The following STK10 variants were observed in gnomAD, a reference collection of about 807,000 sequenced individuals.
The protein encoded by STK10 is serine/threonine-protein kinase 10.
A neutral mutation model predicts 113.8 loss-of-function variants in STK10; 78 were observed. The observed-to-expected ratio is 0.69, with a 90% CI of 0.57 to 0.83. The LOEUF is 0.83. Among genes scored for constraint, STK10 ranks in the 40% least tolerant of loss-of-function variants. STK10 has a pLI of 0.00. For synonymous variants in STK10, 465 were observed against 494.7 expected (o/e 0.94, Z 0.80); for missense variants, 1,109 against 1,280.1 (o/e 0.87, Z 2.04).
chr5:172,182,168 C>G (rs1022411493), intron 1 of STK10, among the ~76,000 whole-genome samples: 10 of 151,346 alleles, frequency 6.6e-5, no homozygotes, highest in Non-Finnish European at 1.3e-4. Context: ...CCGGGTGTGG[C>G]GGTGCGCACC....
chr5:172,106,419 G>GAAAAAAAAAAAAAAAAAAAAAAAA lies in STK10; in HGVS notation c.788+200_788+201insTTTTTTTTTTTTTTTTTTTTTTTT, dbSNP rs1769110876. On this transcript the variant is annotated intron_variant, in intron 6 of 18. Transcript: ENST00000176763. The stretch of plus-strand genomic sequence containing the variant: ...CCTATCTCAAAAAAAAAAAAAAAAA[G>GAAAAAAAAAAAAAAAAAAAAAAAA]GAACACAAAGGGAAAAAGAGGCACG... 2.0e-5 allele frequency among the ~76,000 whole-genome samples: 2 copies of GAAAAAAAAAAAAAAAAAAAAAAAA among 102,106 alleles called. 1 individual carries two copies. Among genetic ancestry groups the GAAAAAAAAAAAAAAAAAAAAAAAA allele is most frequent in the Non-Finnish European group, 3.9e-5 (2 of 51,852 alleles). The allele number at this position is 102,106 out of a possible 152,430, so 67.0% of individuals were successfully genotyped here.
chr5:172,138,741 G>A (rs1339682223), intron 2 of STK10, among the ~76,000 whole-genome samples: 5 of 152,196 alleles, frequency 3.3e-5, no homozygotes, highest in South Asian at 4.1e-4. Flanking sequence ...GGCCAGGCGC[G>A]GTGGCTCACA....
intron 4 of STK10, among the ~76,000 whole-genome samples, chr5:172,115,381 T>C (rs747770031): frequency 1.1e-4 from 16 of 152,098 alleles, no homozygotes; most frequent in Non-Finnish European, 2.2e-4. Flanking sequence ...TATCCTGAGC[T>C]TGGTGGAGAG....
chr5:172,052,734 C>T (rs1356457492), intron 18 of STK10, among the ~76,000 whole-genome samples, 195 bp downstream of exon 18: 2 of 152,204 alleles, frequency 1.3e-5, no homozygotes, highest in East Asian at 3.9e-4. Flanking sequence ...GCTGCCCTTC[C>T]AGAGGTGGAA....
chr5:172,139,067 C>G (rs1041133550), intron 2 of STK10, among the ~76,000 whole-genome samples: 42 of 152,064 alleles, frequency 2.8e-4, no homozygotes, highest in African/African-American at 9.4e-4. Flanking sequence ...GGAAGACATC[C>G]CAGCTTTATG....
At chr5:172,087,107 A>AGTGTGTGTGT (rs201052929) in intron 10 of STK10, among the ~76,000 whole-genome samples, 4,495 of 128,898 alleles carry the variant, frequency 0.035, 118 homozygotes, top group Non-Finnish European at 0.039. Context: ...AGATGACACC[A>AGTGTGTGTGT]GTGTGTGTGT....
chr5:172,150,640 T>C (rs953835459), intron 2 of STK10, among the ~76,000 whole-genome samples: 1 of 152,098 alleles, frequency 6.6e-6, no homozygotes, highest in African/African-American at 2.4e-5. Context: ...AGGTCAGATA[T>C]GCAATCTCTG....
intron 12 of STK10, among the ~76,000 whole-genome samples, chr5:172,081,404 A>T (rs1768426260): frequency 6.6e-6 from 1 of 152,112 alleles, no homozygotes; most frequent in Admixed American, 6.6e-5. Context: ...TTGTGCTCTA[A>T]AAATGAAGCC....
chr5:172,145,967 G>A (rs575109775), intron 2 of STK10, among the ~76,000 whole-genome samples: 10 of 152,338 alleles, frequency 6.6e-5, no homozygotes, highest in African/African-American at 1.4e-4. Flanking sequence ...AACAACAGGT[G>A]TCCTGGGCAA....
At chr5:172,107,694 G>T in intron 5 of STK10, 86 bp downstream of exon 5, 1 of 1,376,370 alleles carries the variant, frequency 7.3e-7, no homozygotes, top group Non-Finnish European at 1.0e-6. Context: ...TTGTCTTCCG[G>T]CCCCTCTCTG....
intron 12 of STK10, among the ~76,000 whole-genome samples, chr5:172,072,286 A>G (rs570839062): frequency 6.8e-6 from 1 of 147,796 alleles, no homozygotes; most frequent in South Asian, 2.1e-4. Flanking sequence ...TTTTTTTTTG[A>G]GATGGAGTCT....
chr5:172,163,952 C>T (rs1257748384), intron 1 of STK10, among the ~76,000 whole-genome samples: 1 of 152,130 alleles, frequency 6.6e-6, no homozygotes, highest in African/African-American at 2.4e-5. Context: ...TGGCTGACCC[C>T]TGTGATCCCA....
chr5:172,061,050 G>T, intron 14 of STK10, 89 bp downstream of exon 14: 2 of 1,489,428 alleles, frequency 1.3e-6, no homozygotes, highest in Non-Finnish European at 1.8e-6. Flanking sequence ...GAAGGCCTGG[G>T]AGGTTCTTGT....
chr5:172,178,581 C>CA (rs1219639656), intron 1 of STK10, among the ~76,000 whole-genome samples: 2 of 152,192 alleles, frequency 1.3e-5, no homozygotes, highest in Non-Finnish European at 2.9e-5. Flanking sequence ...GCAATTCTCA[C>CA]AATAGCTCCC....
chr5:172,083,133 GA>G (rs762521325), intron 10 of STK10, 49 bp from the exon 11 acceptor site: 9 of 1,609,234 alleles, frequency 5.6e-6, no homozygotes, highest in Non-Finnish European at 7.6e-6. Flanking sequence ...ACTGGCTTCA[GA>G]GATCACAATA....
chr5:172,121,217 G>C (rs1350430142), intron 3 of STK10, among the ~76,000 whole-genome samples: 1 of 151,954 alleles, frequency 6.6e-6, no homozygotes, highest in East Asian at 1.9e-4. Context: ...TATTAGTAGA[G>C]ACGGGGTTTC....
intron 2 of STK10, among the ~76,000 whole-genome samples, chr5:172,151,905 G>A (rs1413844984): frequency 6.6e-6 from 1 of 152,208 alleles, no homozygotes; most frequent in African/African-American, 2.4e-5. Flanking sequence ...CTTCTGTGGG[G>A]TCCTCTGCAG....
At chr5:172,046,298 A>C (rs886793507) in intron 18 of STK10, among the ~76,000 whole-genome samples, 2 of 150,060 alleles carry the variant, frequency 1.3e-5, no homozygotes, top group Non-Finnish European at 3.0e-5. Flanking sequence ...TGGAAGTTGC[A>C]GTGAGCCGAG....
chr5:172,111,436 C>G (rs775231946), intron 4 of STK10, among the ~76,000 whole-genome samples: 1 of 152,234 alleles, frequency 6.6e-6, no homozygotes, highest in Non-Finnish European at 1.5e-5. Context: ...CAGGCACGCA[C>G]CAGCCAGCTC....
Sources: allele counts gnomAD v4.1 joint callset (sites outside exome capture counted in the v4.1 genomes callset), GRCh38; gene constraint gnomAD v4.1.1; transcripts MANE v1.5; gene names NCBI Gene and HGNC (gene_info 2026-07-23, HGNC 2026-07-21).